The following RAB8B variants were observed in gnomAD, a reference collection of about 807,000 sequenced individuals.
The protein encoded by RAB8B is ras-related protein Rab-8B.
RAB8B carries 11 observed loss-of-function variants against 32.0 expected under a neutral mutation model. The observed-to-expected ratio is 0.34, with a 90% CI of 0.22 to 0.57. The LOEUF is 0.57. RAB8B is among the 20% of genes least tolerant of loss of function. The pLI, the probability that RAB8B is intolerant of heterozygous loss-of-function variation, is 0.86. For synonymous variants in RAB8B, 103 were observed against 89.6 expected (o/e 1.15, Z -0.85); for missense variants, 190 against 258.5 (o/e 0.73, Z 1.82).
At chr15:63,213,630 C>T (rs1291557212) in intron 1 of RAB8B, among the ~76,000 whole-genome samples, 1 of 151,874 alleles carries the variant, frequency 6.6e-6, no homozygotes, top group South Asian at 2.1e-4. Flanking sequence ...ACAAAACAAT[C>T]TTCCTTCTGG....
chr15:63,203,679 G>T (rs539307223), intron 1 of RAB8B, among the ~76,000 whole-genome samples: 1 of 152,172 alleles, frequency 6.6e-6, no homozygotes, highest in Non-Finnish European at 1.5e-5. Flanking sequence ...GGATTGACCC[G>T]TTTAATTCTT....
chr15:63,211,095 A>G (rs895416730), intron 1 of RAB8B, among the ~76,000 whole-genome samples: 1 of 152,352 alleles, frequency 6.6e-6, no homozygotes. Context: ...GAAGGATCCT[A>G]TGGTTGGTTT....
intron 1 of RAB8B, among the ~76,000 whole-genome samples, chr15:63,205,123 C>A (rs935998033): frequency 2.6e-5 from 4 of 152,144 alleles, no homozygotes; most frequent in Admixed American, 2.6e-4. Context: ...CATGGTGAAA[C>A]CCCGTCTCTA....
chr15:63,262,212 G>A (rs1329722237), intron 6 of RAB8B, among the ~76,000 whole-genome samples: 1 of 152,082 alleles, frequency 6.6e-6, no homozygotes, highest in Admixed American at 6.6e-5. Context: ...AGGGAAGTGG[G>A]GTAGCTTAGA....
At position 63,249,577 on chromosome 15, in the gene RAB8B, A is replaced by T. The variant is rs550482764; in HGVS notation, c.186-68A>T. 1.1e-5 allele frequency: 16 copies of T among 1,431,694 alleles called. No individual in the cohort carries two copies. The South Asian group carries it at 1.6e-4, about 15-fold the overall frequency. 88.7% of individuals were successfully genotyped at this position (1,431,694 alleles called of 1,614,324 possible). A position where few individuals can be genotyped will look rare whatever the true frequency, so the allele number is the denominator to read the frequency against. On this transcript the variant is annotated intron_variant, in intron 2 of 7. Coordinates refer to ENST00000321437, the MANE Select transcript of RAB8B (RefSeq NM_016530.3). ...AGCAGACTAGAATTACATCTCCTAC[A>T]GCAGGGTTTCTCCTCAGTGATGCTG...
chr15:63,199,695 A>G (rs2037632142), intron 1 of RAB8B, among the ~76,000 whole-genome samples: 1 of 150,372 alleles, frequency 6.7e-6, no homozygotes, highest in Non-Finnish European at 1.5e-5. Context: ...TTTTTTTGAG[A>G]CTTTGTCATC....
At chr15:63,253,799 T>C (rs748104717) in intron 3 of RAB8B, among the ~76,000 whole-genome samples, 1 of 152,200 alleles carries the variant, frequency 6.6e-6, no homozygotes, top group Non-Finnish European at 1.5e-5. Flanking sequence ...ATTTAGGACA[T>C]TGAGTCTCCA....
chr15:63,193,788 G>T (rs574152219), intron 1 of RAB8B, among the ~76,000 whole-genome samples: 23 of 151,794 alleles, frequency 1.5e-4, no homozygotes, highest in African/African-American at 3.9e-4. Context: ...TCCAGCCTGG[G>T]CGACAGAGCA....
chr15:63,212,928 A>G (rs1297129505), intron 1 of RAB8B, among the ~76,000 whole-genome samples: 2 of 152,250 alleles, frequency 1.3e-5, no homozygotes, highest in Non-Finnish European at 2.9e-5. Flanking sequence ...TTTTCAGAAT[A>G]GAATTAAAAG....
At chr15:63,194,971 A>T (rs2037588297) in intron 1 of RAB8B, among the ~76,000 whole-genome samples, 2 of 152,256 alleles carry the variant, frequency 1.3e-5, no homozygotes. Flanking sequence ...CAAAGCTTTT[A>T]TCAAGACTTA....
Position 63,263,516 on chromosome 15 carries a change from C to G in RAB8B, c.532-11C>G. 1 of 1,597,026 alleles carries G rather than the reference C, an allele frequency of 6.3e-7. No homozygotes were observed. Among genetic ancestry groups the G allele is most frequent in the South Asian group, 1.1e-5 (1 of 90,612 alleles). ...TTTATTTCCTTGGTAACTTCATCTT[C>G]TATTTTTTAGAATGACAGCAATTCA... On this transcript the variant is annotated splice_polypyrimidine_tract_variant and intron_variant, in intron 7 of 7. Coordinates refer to ENST00000321437, the MANE Select transcript of RAB8B (RefSeq NM_016530.3).
At position 63,262,572 on chromosome 15, in the gene RAB8B, C is replaced by T. The variant is rs539672865; in HGVS notation, c.481-120C>T. ...CCTGAGCCCAGGAGTTCCAATTCAG[C>T]CAGGGCAACATAGCAAGACCCCATC... On this transcript the variant is annotated intron_variant, in intron 6 of 7. Coordinates refer to ENST00000321437, the MANE Select transcript of RAB8B (RefSeq NM_016530.3). 39 of 289,234 alleles carry T rather than the reference C, an allele frequency of 1.3e-4. No individual in the cohort carries two copies. The Admixed American group carries it at 2.2e-3, about 16-fold the overall frequency. The allele number at this position is 289,234 out of a possible 1,614,324, so 17.9% of individuals were successfully genotyped here.
chr15:63,214,012 TG>T (rs2037769709), intron 1 of RAB8B, among the ~76,000 whole-genome samples: 1 of 151,278 alleles, frequency 6.6e-6, no homozygotes, highest in African/African-American at 2.4e-5. Context: ...ACCTGGGAGG[TG>T]GAGGTTGTGG....
At chr15:63,205,994 C>T (rs140131299) in intron 1 of RAB8B, among the ~76,000 whole-genome samples, 1 of 152,206 alleles carries the variant, frequency 6.6e-6, no homozygotes, top group African/African-American at 2.4e-5. Context: ...TAACTGGCCT[C>T]TTCAGAGCTC....
intron 5 of RAB8B, 114 bp downstream of exon 5, chr15:63,256,708 T>C (rs1274599350): frequency 1.2e-5 from 9 of 749,734 alleles, no homozygotes; most frequent in South Asian, 1.8e-5. Flanking sequence ...TCCCTTTAAA[T>C]TGGATATCAA....
chr15:63,232,755 C>T (rs555060586), intron 1 of RAB8B, among the ~76,000 whole-genome samples: 80 of 152,162 alleles, frequency 5.3e-4, no homozygotes, highest in African/African-American at 1.7e-3. Context: ...AAAAATGCCC[C>T]GTTTTCCTCT....
rs368771788 is a variant in RAB8B, at chr15:63,242,903, G to T, written c.125-1853G>T. Among the ~76,000 whole-genome samples, 155 of 152,174 alleles carry T rather than the reference G, an allele frequency of 1.0e-3. No individual in the cohort carries two copies. The Middle Eastern group carries it at 0.031, about 30-fold the overall frequency. ...TGGGGGTGGTTTAGGAATGATTCAA[G>T]CACATTACATTTATTATGCACTTAT... On this transcript the variant is annotated intron_variant, in intron 1 of 7. Coordinates refer to ENST00000321437, the MANE Select transcript of RAB8B (RefSeq NM_016530.3).
At chr15:63,215,838 A>G (rs143695490) in intron 1 of RAB8B, among the ~76,000 whole-genome samples, 1 of 152,118 alleles carries the variant, frequency 6.6e-6, no homozygotes, top group East Asian at 1.9e-4. Context: ...GGTGTTTGAG[A>G]CCAGCCTGGG....
chr15:63,248,287 G>A lies in RAB8B; in HGVS notation c.186-1358G>A, dbSNP rs1666906744. Reference sequence around the variant, plus strand: ...CCAGCACGTTGGGAGGCCGAGGCGGGTAGATCACAAGGTCAGGAGTTTGAG... The same window carrying A: ...CCAGCACGTTGGGAGGCCGAGGCGGATAGATCACAAGGTCAGGAGTTTGAG... On this transcript the variant is annotated intron_variant, in intron 2 of 7. Coordinates refer to ENST00000321437, the MANE Select transcript of RAB8B (RefSeq NM_016530.3). The surrounding 1 kb of genome is among the most constrained non-coding windows in gnomAD (Gnocchi z 4.4). 1.3e-5 allele frequency among the ~76,000 whole-genome samples: 2 copies of A among 152,232 alleles called. No homozygotes were observed. The highest frequency in any genetic ancestry group is 4.1e-4 in the South Asian group (2 of 4,832).
Sources: allele counts gnomAD v4.1 joint callset (sites outside exome capture counted in the v4.1 genomes callset), GRCh38; gene constraint gnomAD v4.1.1; non-coding constraint Gnocchi (gnomAD v3.1); transcripts MANE v1.5; gene names NCBI Gene and HGNC (gene_info 2026-07-23, HGNC 2026-07-21).